Variants in CSMD3 observed in about 807,000 individuals in gnomAD.
CSMD3 encodes CUB and Sushi multiple domains 3, also known as CUB and sushi domain-containing protein 3.
Under a neutral mutation model 435.2 loss-of-function variants are expected in CSMD3, and 177 were observed. The ratio of observed to expected loss-of-function variants is 0.41; its 90% CI spans 0.36 to 0.46. The LOEUF is 0.46. Ranked by LOEUF, CSMD3 falls within the 20% of genes least tolerant of loss-of-function variation. The pLI, the probability that CSMD3 is intolerant of heterozygous loss-of-function variation, is 0.34. For synonymous variants in CSMD3, 1,656 were observed against 1,520.5 expected (o/e 1.09, Z -2.07); for missense variants, 4,265 against 4,504.6 (o/e 0.95, Z 1.52).
chr8:112,647,793 G>A (rs945057421), intron 19 of CSMD3, among the ~76,000 whole-genome samples: 1 of 152,056 alleles, frequency 6.6e-6, no homozygotes, highest in Non-Finnish European at 1.5e-5. Flanking sequence ...TTTTCTAAAT[G>A]AGATTATTTT....
rs979056529 is a variant in CSMD3 at position 112,336,886 on chromosome 8, G to A, written c.6842-57C>T. The A allele has an allele frequency of 5.1e-6, 7 of 1,384,236 alleles. No individual in the cohort carries two copies. The African/African-American group carries it at 1.0e-4, about 20-fold the overall frequency. The allele number at this position is 1,384,236 out of a possible 1,614,324, so 85.7% of individuals were successfully genotyped here. ...TTTAAAATAACAATAAACTGACTGT[G>A]GAGAAAAAGGCAAACATTTCACATA... On this transcript the variant is annotated intron_variant, in intron 43 of 70. Transcript: ENST00000297405.
At chr8:112,755,469 C>T (rs371642369) in intron 13 of CSMD3, among the ~76,000 whole-genome samples, 2 of 151,646 alleles carry the variant, frequency 1.3e-5, no homozygotes, top group South Asian at 4.2e-4. Flanking sequence ...TTCTGCACTT[C>T]TCCTTGCTGC....
chr8:112,226,618 T>C (rs1009729955), intron 70 of CSMD3, among the ~76,000 whole-genome samples: 1 of 152,034 alleles, frequency 6.6e-6, no homozygotes, highest in Non-Finnish European at 1.5e-5. Flanking sequence ...ACAGTGAAAA[T>C]ACAACCCACG....
chr8:113,422,868 T>A (rs2094615442), intron 1 of CSMD3, among the ~76,000 whole-genome samples: 2 of 152,098 alleles, frequency 1.3e-5, no homozygotes, highest in Admixed American at 6.6e-5. Flanking sequence ...AACATGATAC[T>A]TTAAAGTGTA....
At chr8:112,401,521 T>C (rs1186541846) in intron 35 of CSMD3, among the ~76,000 whole-genome samples, 1 of 152,134 alleles carries the variant, frequency 6.6e-6, no homozygotes, top group African/African-American at 2.4e-5. Context: ...GTTAAATATA[T>C]ACTTGCAAGG....
intron 6 of CSMD3, among the ~76,000 whole-genome samples, chr8:112,998,948 T>G (rs372337353): frequency 6.6e-6 from 1 of 152,010 alleles, no homozygotes; most frequent in Non-Finnish European, 1.5e-5. Flanking sequence ...CTGTACAGCC[T>G]GCAGAACCAT....
intron 10 of CSMD3, among the ~76,000 whole-genome samples, chr8:112,892,402 T>C (rs2081821653): frequency 1.3e-5 from 2 of 151,560 alleles, no homozygotes; most frequent in South Asian, 4.1e-4. Flanking sequence ...TTAATGAATC[T>C]CATTGCCATT....
At chr8:112,873,965 T>A (rs2081207222) in intron 10 of CSMD3, among the ~76,000 whole-genome samples, 1 of 152,190 alleles carries the variant, frequency 6.6e-6, no homozygotes, top group Admixed American at 6.5e-5. Context: ...TGAATTTGTT[T>A]GCTCTTGCTT....
intron 9 of CSMD3, among the ~76,000 whole-genome samples, chr8:112,939,219 AG>A (rs758195135): frequency 1.3e-5 from 2 of 152,120 alleles, no homozygotes; most frequent in Non-Finnish European, 2.9e-5. Flanking sequence ...AGTAAAAGAG[AG>A]GGAACTGAAG....
chr8:113,125,238 A>G (rs958252664), intron 4 of CSMD3, among the ~76,000 whole-genome samples: 8 of 151,960 alleles, frequency 5.3e-5, no homozygotes, highest in Non-Finnish European at 8.8e-5. Flanking sequence ...CAAGGGCTCC[A>G]AGTAGAAGTG....
At position 112,287,147 on chromosome 8, in the gene CSMD3, T is replaced by C. The variant is rs751055156; in HGVS notation, c.9248A>G (p.Asp3083Gly). ...TGAGCCATGAAGGATGTAACCAGTA[T>C]CACAAGCATAACGTACAGTACTTTT... The part of the protein sequence containing the change: ...RTKSTVRYAC[D>G]TGYILHGSEE... Residue 3083 changes from aspartate to glycine, a missense_variant, in exon 58 of 71, where the codon GAT (aspartate) becomes GGT (glycine). Asp to Gly is a moderately conservative substitution (Grantham distance 94, BLOSUM62 -1). This residue lies in a region of CSMD3 where 3,255 missense variants were observed against 3,380.2 expected (regional missense o/e 0.96). Coordinates refer to ENST00000297405, the MANE Select transcript of CSMD3 (RefSeq NM_198123.2). The C allele has an allele frequency of 4.3e-6, 7 of 1,613,758 alleles. No individual in the cohort carries two copies. In the South Asian group the frequency reaches 7.7e-5, roughly 18 times the overall value.
chr8:113,117,346 A>G (rs2090861007), intron 4 of CSMD3, among the ~76,000 whole-genome samples: 1 of 152,190 alleles, frequency 6.6e-6, no homozygotes, highest in South Asian at 2.1e-4. Context: ...GGCAGCTTCC[A>G]TGTGGTATTG....
intron 16 of CSMD3, among the ~76,000 whole-genome samples, chr8:112,681,602 A>G (rs1225332008): frequency 6.6e-6 from 1 of 152,112 alleles, no homozygotes; most frequent in East Asian, 1.9e-4. Flanking sequence ...GCAGTGGCTC[A>G]TGCCTGTAAT....
intron 23 of CSMD3, among the ~76,000 whole-genome samples, chr8:112,575,227 AT>A (rs1829848826): frequency 6.6e-6 from 1 of 151,936 alleles, no homozygotes; most frequent in Non-Finnish European, 1.5e-5. Flanking sequence ...TAACCTAAAC[AT>A]TTTCTACACA....
intron 4 of CSMD3, among the ~76,000 whole-genome samples, chr8:113,159,993 G>A (rs1042535394): frequency 6.6e-6 from 1 of 151,694 alleles, no homozygotes; most frequent in Non-Finnish European, 1.5e-5. Flanking sequence ...TCAAAACACT[G>A]GTGCTCAGGA....
At chr8:113,280,981 A>C (rs554864441) in intron 2 of CSMD3, among the ~76,000 whole-genome samples, 4 of 151,768 alleles carry the variant, frequency 2.6e-5, no homozygotes, top group African/African-American at 7.3e-5. Flanking sequence ...TTCCTTTTGG[A>C]GTTGATTTCC....
intron 4 of CSMD3, among the ~76,000 whole-genome samples, chr8:113,117,497 T>C (rs965199082): frequency 2.0e-5 from 3 of 152,254 alleles, no homozygotes; most frequent in Admixed American, 1.3e-4. Context: ...TGCTAGGGCA[T>C]TGTGGAAGGG....
chr8:112,461,750 G>A (rs1305078885), intron 32 of CSMD3, among the ~76,000 whole-genome samples: 1 of 152,098 alleles, frequency 6.6e-6, no homozygotes, highest in Non-Finnish European at 1.5e-5. Flanking sequence ...AAATTACAGA[G>A]AAGAATGTAG....
intron 3 of CSMD3, among the ~76,000 whole-genome samples, chr8:113,259,911 G>C (rs1000648180): frequency 2.8e-4 from 42 of 152,170 alleles, no homozygotes; most frequent in African/African-American, 9.9e-4. Context: ...GGTGGTAGGG[G>C]CCCAGTGGGA....
Sources: gnomAD v4.1 joint callset for allele counts (sites outside exome capture counted in the v4.1 genomes callset) on GRCh38, gnomAD v4.1.1 for gene constraint, gnomAD v4.1.1 regional missense constraint, MANE v1.5 for transcripts, NCBI Gene and HGNC (gene_info 2026-07-23, HGNC 2026-07-21) for gene names.